The following NTN1 variants were observed in gnomAD, a reference collection of about 807,000 sequenced individuals.
NTN1 encodes netrin 1, also known as netrin-1.
In NTN1, 11 loss-of-function variants were observed where a neutral mutation model predicts 54.2. The ratio of observed to expected loss-of-function variants is 0.20; its 90% CI spans 0.13 to 0.34. The LOEUF is 0.34. Ranked by LOEUF, NTN1 falls within the 10% of genes least tolerant of loss-of-function variation. The pLI is 1.00. For missense variants in NTN1, 740 were observed against 893.1 expected, an observed-to-expected ratio of 0.83 and a Z score of 2.18; for synonymous variants, 371 against 382.0, an observed-to-expected ratio of 0.97 and a Z score of 0.33.
At chr17:9,090,922 C>A (rs952219399) in intron 2 of NTN1, among the ~76,000 whole-genome samples, 6 of 152,102 alleles carry the variant, frequency 3.9e-5, no homozygotes, top group African/African-American at 1.4e-4. Flanking sequence ...TCCTCCCCTC[C>A]ACCGGGACCC....
intron 2 of NTN1, among the ~76,000 whole-genome samples, chr17:9,053,212 G>C (rs1377249626): frequency 2.6e-5 from 4 of 152,176 alleles, no homozygotes; most frequent in Non-Finnish European, 5.9e-5. Context: ...AGACCATGTG[G>C]CCTGCAGAGG....
At chr17:9,093,333 A>T (rs1318978956) in intron 2 of NTN1, among the ~76,000 whole-genome samples, 1 of 152,204 alleles carries the variant, frequency 6.6e-6, no homozygotes, top group African/African-American at 2.4e-5. Context: ...CAAATAACTT[A>T]TTAGAAATAT....
At chr17:9,101,866 A>G (rs6503180) in intron 2 of NTN1, among the ~76,000 whole-genome samples, 134,680 of 152,162 alleles carry the variant, frequency 0.89, 59,699 homozygotes, top group East Asian at 1. Context: ...GGTGCTGTGT[A>G]CCTGTAGTCC....
chr17:9,186,930 G>A (rs1196888426), intron 5 of NTN1, among the ~76,000 whole-genome samples: 1 of 152,044 alleles, frequency 6.6e-6, no homozygotes, highest in African/African-American at 2.4e-5. Flanking sequence ...GGGTTGTGGG[G>A]AGGGAGAAGA....
intron 3 of NTN1, among the ~76,000 whole-genome samples, chr17:9,169,442 A>G (rs1469781894): frequency 6.6e-6 from 1 of 152,222 alleles, no homozygotes; most frequent in Non-Finnish European, 1.5e-5. Flanking sequence ...CACTGTGCCA[A>G]ACGGGGTCTC....
chr17:9,201,012 T>G (rs1321063703), intron 5 of NTN1, among the ~76,000 whole-genome samples: 1 of 151,638 alleles, frequency 6.6e-6, no homozygotes, highest in Non-Finnish European at 1.5e-5. Context: ...TGGGCTGCTG[T>G]TTTTTTTAAT....
chr17:9,065,391 A>G (rs1193319947), intron 2 of NTN1, among the ~76,000 whole-genome samples: 1 of 151,222 alleles, frequency 6.6e-6, no homozygotes, highest in African/African-American at 2.4e-5. Context: ...TGTTCTTCCC[A>G]CTCTTCTGTC....
intron 5 of NTN1, among the ~76,000 whole-genome samples, chr17:9,202,779 C>T (rs966777653): frequency 6.6e-6 from 1 of 152,216 alleles, no homozygotes; most frequent in Non-Finnish European, 1.5e-5. Flanking sequence ...GATTCAGCCA[C>T]GGCACAAGGA....
intron 6 of NTN1, among the ~76,000 whole-genome samples, chr17:9,228,489 C>T (rs1240838592): frequency 6.6e-6 from 1 of 152,146 alleles, no homozygotes; most frequent in African/African-American, 2.4e-5. Flanking sequence ...ACGCCCCGAT[C>T]CCCTGCCTCA....
At chr17:9,160,990 A>G (rs1286920716) in intron 2 of NTN1, among the ~76,000 whole-genome samples, 1 of 152,206 alleles carries the variant, frequency 6.6e-6, no homozygotes, top group East Asian at 1.9e-4. Flanking sequence ...CCCAGCATGT[A>G]TTTCTTTAGA....
chr17:9,030,345 C>G (rs2091885025), intron 2 of NTN1, among the ~76,000 whole-genome samples: 1 of 152,242 alleles, frequency 6.6e-6, no homozygotes, highest in Admixed American at 6.5e-5. Context: ...GGACCACCCC[C>G]AGCAATCCCT....
chr17:9,223,556 C>CAAAAAAA (rs369166076), intron 6 of NTN1, among the ~76,000 whole-genome samples: 33 of 149,188 alleles, frequency 2.2e-4, no homozygotes, highest in African/African-American at 5.4e-4. Flanking sequence ...GACTCTGTCT[C>CAAAAAAA]AAAAAAAAGA....
the NTN1 span, among the ~76,000 whole-genome samples, chr17:9,014,928 T>A: frequency 6.6e-6 from 1 of 152,244 alleles, no homozygotes; most frequent in African/African-American, 2.4e-5. Flanking sequence ...CACACACTGC[T>A]TCTCTACCTA....
intron 5 of NTN1, chr17:9,183,374 G>A (rs530861862): frequency 6.1e-6 from 3 of 489,036 alleles, no homozygotes; most frequent in East Asian, 1.3e-4. Flanking sequence ...CAAGCAGAAT[G>A]CAGGGGGCCC....
chr17:9,052,326 T>C (rs572929004), intron 2 of NTN1, among the ~76,000 whole-genome samples: 2 of 152,280 alleles, frequency 1.3e-5, no homozygotes, highest in South Asian at 2.1e-4. Context: ...TCATTGAACA[T>C]TGGAATGATT....
Position 9,202,240 on chromosome 17 carries a change from C to CA in NTN1, c.1412-18919dup, listed in dbSNP as rs201574385. Among the ~76,000 whole-genome samples, 131 of 150,330 alleles carry CA rather than the reference C, an allele frequency of 8.7e-4. 1 individual carries two copies. The East Asian group carries it at 0.02, about 23-fold the overall frequency. On this transcript the variant is annotated intron_variant, in intron 5 of 6. Transcript: ENST00000173229. ...TGGATGACAGAGTGAGACTCCATCT[C>CA]AAAAAAAAAGATATAAAAGATGAAC...
chr17:9,046,392 A>G (rs1368003869), intron 2 of NTN1, among the ~76,000 whole-genome samples: 3 of 152,198 alleles, frequency 2.0e-5, no homozygotes, highest in Admixed American at 6.5e-5. Flanking sequence ...AAAGGTAATA[A>G]CAAGTGTTGG....
Position 9,211,532 on chromosome 17 carries a change from G to T in NTN1, c.1412-9636G>T, listed in dbSNP as rs1905107043. 6.6e-6 allele frequency among the ~76,000 whole-genome samples: 1 copy of T among 152,216 alleles called. No individual in the cohort carries two copies. Among genetic ancestry groups the T allele is most frequent in the African/African-American group, 2.4e-5 (1 of 41,462 alleles). ...CCCAGTGCCTCCCAGAGCTGTTCAT[G>T]TGGGAAGTGCTTCATCAAACGTTCG... On this transcript the variant is annotated intron_variant, in intron 5 of 6. Transcript: ENST00000173229. This position sits in a 1 kb window ranked among gnomAD's most constrained non-coding sequence, Gnocchi z 4.4.
At chr17:9,186,686 C>A (rs1369245895) in intron 5 of NTN1, among the ~76,000 whole-genome samples, 1 of 152,230 alleles carries the variant, frequency 6.6e-6, no homozygotes, top group Non-Finnish European at 1.5e-5. Context: ...AAGCTCCACA[C>A]TCAGGTGCTA....
Sources: allele counts gnomAD v4.1 joint callset (sites outside exome capture counted in the v4.1 genomes callset), GRCh38; gene constraint gnomAD v4.1.1; non-coding constraint Gnocchi (gnomAD v3.1); transcripts MANE v1.5; gene names NCBI Gene and HGNC (gene_info 2026-07-23, HGNC 2026-07-21).